SLC44A1: variants seen among roughly 807,000 people sequenced by gnomAD.
SLC44A1 encodes solute carrier family 44 member 1, also known as choline transporter-like protein 1.
SLC44A1 carries 26 observed loss-of-function variants against 79.3 expected under a neutral mutation model. That is an observed-to-expected ratio of 0.33 (90% CI 0.24 to 0.46). The LOEUF (loss-of-function observed/expected upper bound fraction) is 0.46. Ranked by LOEUF, SLC44A1 falls within the 20% of genes least tolerant of loss-of-function variation. The probability of loss-of-function intolerance (pLI) is 1.00; values close to 1 mark genes in which losing one functional copy is unlikely to be tolerated. For missense variants in SLC44A1, 688 were observed against 798.1 expected (o/e 0.86, Z 1.66); for synonymous variants, 263 against 286.2 (o/e 0.92, Z 0.82).
intron 3 of SLC44A1, among the ~76,000 whole-genome samples, chr9:105,313,962 C>T (rs979741127): frequency 4.6e-5 from 7 of 151,944 alleles, no homozygotes; most frequent in African/African-American, 1.7e-4. Flanking sequence ...CTGGGTTTCG[C>T]CATGTTGCCC....
At chr9:105,321,226 G>T (rs1826383968) in intron 3 of SLC44A1, among the ~76,000 whole-genome samples, 1 of 151,864 alleles carries the variant, frequency 6.6e-6, no homozygotes, top group Admixed American at 6.6e-5. Context: ...GATTCATTTT[G>T]ATTTAATTTT....
chr9:105,362,084 G>T (rs1338282958), intron 8 of SLC44A1, among the ~76,000 whole-genome samples: 1 of 152,112 alleles, frequency 6.6e-6, no homozygotes, highest in African/African-American at 2.4e-5. Flanking sequence ...GTGTGTGTGT[G>T]TGTGTGTGAG....
chr9:105,283,507 T>C (rs1771488359), intron 1 of SLC44A1, among the ~76,000 whole-genome samples: 1 of 152,174 alleles, frequency 6.6e-6, no homozygotes, highest in Admixed American at 6.5e-5. Flanking sequence ...AAGTGTACTC[T>C]TCTCTTAACG....
chr9:105,284,671 C>T (rs1033982859), intron 1 of SLC44A1, among the ~76,000 whole-genome samples: 22 of 151,978 alleles, frequency 1.4e-4, no homozygotes, highest in African/African-American at 4.8e-4. Context: ...ATATCTGATG[C>T]GGTAGCTATA....
intron 12 of SLC44A1, among the ~76,000 whole-genome samples, chr9:105,369,737 A>G (rs1254029025): frequency 6.6e-6 from 1 of 152,214 alleles, no homozygotes; most frequent in Non-Finnish European, 1.5e-5. Flanking sequence ...CTTTAAGAGA[A>G]TTTCTGGGTC....
intron 3 of SLC44A1, among the ~76,000 whole-genome samples, chr9:105,325,468 A>G (rs1462737462): frequency 2.0e-5 from 3 of 152,230 alleles, no homozygotes; most frequent in Admixed American, 6.5e-5. Flanking sequence ...GAGAAGTCCA[A>G]GATGGAGGTT....
chr9:105,376,152 A>C (rs541326364), intron 13 of SLC44A1, among the ~76,000 whole-genome samples: 19 of 152,264 alleles, frequency 1.2e-4, no homozygotes, highest in Admixed American at 1.2e-3. Flanking sequence ...TATGTTTGGC[A>C]TGGAGAAGTA....
intron 3 of SLC44A1, among the ~76,000 whole-genome samples, chr9:105,331,572 G>A (rs1826750249): frequency 6.6e-6 from 1 of 152,202 alleles, no homozygotes; most frequent in African/African-American, 2.4e-5. Flanking sequence ...AGGCAAGAAA[G>A]TGCAGTTTTA....
intron 1 of SLC44A1, among the ~76,000 whole-genome samples, chr9:105,289,388 C>T (rs1453421906): frequency 6.6e-6 from 1 of 152,160 alleles, no homozygotes; most frequent in Non-Finnish European, 1.5e-5. Context: ...TGAGTGCTTT[C>T]TATAAACAAT....
chr9:105,351,596 G>GAGAGAAAGAGAGAAAGAGAGAAAGAGAA (rs1554797147), intron 5 of SLC44A1, among the ~76,000 whole-genome samples: 7 of 113,536 alleles, frequency 6.2e-5, no homozygotes, highest in South Asian at 2.7e-4. Context: ...AAGAGAGAAA[G>GAGAGAAAGAGAGAAAGAGAGAAAGAGAA]AGAAAGAAAG....
chr9:105,365,728 C>A, intron 11 of SLC44A1, 89 bp downstream of exon 11: 4 of 1,291,350 alleles, frequency 3.1e-6, no homozygotes, highest in South Asian at 1.4e-5. Context: ...ATGTTAAATA[C>A]AAAGTTGTGT....
chr9:105,373,712 T>C (rs1828187016), intron 12 of SLC44A1, among the ~76,000 whole-genome samples: 1 of 152,238 alleles, frequency 6.6e-6, no homozygotes, highest in Non-Finnish European at 1.5e-5. Context: ...CTTCATGGTG[T>C]TGGCCTCACC....
intron 1 of SLC44A1, among the ~76,000 whole-genome samples, chr9:105,267,619 C>CT (rs1829991029): frequency 6.6e-6 from 1 of 151,992 alleles, no homozygotes; most frequent in African/African-American, 2.4e-5. Context: ...TTTCAGTATT[C>CT]TTTTTTGTTT....
intron 15 of SLC44A1, among the ~76,000 whole-genome samples, chr9:105,423,785 A>C (rs947467708): frequency 6.6e-6 from 1 of 152,210 alleles, no homozygotes; most frequent in Non-Finnish European, 1.5e-5. Flanking sequence ...CCATTTTCCA[A>C]AATATACAAG....
At chr9:105,380,616 AAT>A (rs1828432516) in intron 13 of SLC44A1, among the ~76,000 whole-genome samples, 1 of 152,118 alleles carries the variant, frequency 6.6e-6, no homozygotes, top group Non-Finnish European at 1.5e-5. Flanking sequence ...AGCTGTTACT[AAT>A]ATATGTCTTA....
chr9:105,400,511 A>C (rs1262897522), downstream of SLC44A1, among the ~76,000 whole-genome samples: 1 of 152,038 alleles, frequency 6.6e-6, no homozygotes, highest in Non-Finnish European at 1.5e-5. Context: ...GAAAAAGAAA[A>C]TTGTTTTAAA....
chr9:105,247,263 C>A (rs1829478780), intron 1 of SLC44A1, among the ~76,000 whole-genome samples: 1 of 152,138 alleles, frequency 6.6e-6, no homozygotes, highest in African/African-American at 2.4e-5. Context: ...TCTTCTCCAG[C>A]CTCTCTTAGG....
At chr9:105,261,097 C>T (rs560288719) in intron 1 of SLC44A1, among the ~76,000 whole-genome samples, 1 of 152,242 alleles carries the variant, frequency 6.6e-6, no homozygotes, top group East Asian at 1.9e-4. Context: ...GCCGTTCAAA[C>T]TGTTTAATTC....
intron 3 of SLC44A1, among the ~76,000 whole-genome samples, chr9:105,315,884 C>T (rs1298618031): frequency 6.6e-6 from 1 of 152,192 alleles, no homozygotes; most frequent in Admixed American, 6.5e-5. Flanking sequence ...TTGCTGTTTA[C>T]TGAGTGACTA....
Sources: gnomAD v4.1 joint callset for allele counts (sites outside exome capture counted in the v4.1 genomes callset) on GRCh38, gnomAD v4.1.1 for gene constraint, MANE v1.5 for transcripts, NCBI Gene and HGNC (gene_info 2026-07-23, HGNC 2026-07-21) for gene names.